Variants in TDRP observed in about 807,000 individuals in gnomAD.
TDRP encodes testis development related protein.
A neutral mutation model predicts 10.5 loss-of-function variants in TDRP; 12 were observed. The observed-to-expected ratio is 1.15, with a 90% CI of 0.73 to 1.86. The LOEUF (loss-of-function observed/expected upper bound fraction) is 1.86, where lower values mean the gene tolerates loss of function less well. TDRP is among the 40% of genes most tolerant of loss of function. The probability of loss-of-function intolerance (pLI) is 0.00; values close to 1 mark genes in which losing one functional copy is unlikely to be tolerated. For missense variants in TDRP, 353 were observed against 229.2 expected, an observed-to-expected ratio of 1.54 and a Z score of -3.49; for synonymous variants, 139 against 95.4, an observed-to-expected ratio of 1.46 and a Z score of -2.67.
At chr8:509,287 G>T (rs1412481772) in intron 1 of TDRP, among the ~76,000 whole-genome samples, 1 of 152,162 alleles carries the variant, frequency 6.6e-6, no homozygotes, top group Non-Finnish European at 1.5e-5. Flanking sequence ...GACTCTCTGT[G>T]GGGGCTCCAA....
chr8:492,161 A>T lies in TDRP; in HGVS notation c.*238T>A. The T allele has an allele frequency of 6.4e-6, 8 of 1,254,936 alleles. No homozygotes were observed. The highest frequency in any genetic ancestry group is 8.0e-6 in the Non-Finnish European group (8 of 1,002,290). 77.7% of individuals were successfully genotyped at this position (1,254,936 alleles called of 1,614,324 possible). On this transcript the variant is annotated 3_prime_UTR_variant, in exon 3 of 3. Transcript: ENST00000324079. Reference sequence around the variant, plus strand: ...TTCACATCTCCAGTTTCTGCAAAACATGGACTGATAGGTGAATATTTCTGC... The same window carrying T: ...TTCACATCTCCAGTTTCTGCAAAACTTGGACTGATAGGTGAATATTTCTGC...
At chr8:531,248 T>C (rs1425779744) in intron 1 of TDRP, among the ~76,000 whole-genome samples, 1 of 152,124 alleles carries the variant, frequency 6.6e-6, no homozygotes, top group Non-Finnish European at 1.5e-5. Context: ...TCTAAACTGG[T>C]TTCTGTAATT....
intron 1 of TDRP, among the ~76,000 whole-genome samples, chr8:502,307 C>T (rs969165272): frequency 6.6e-6 from 1 of 152,336 alleles, no homozygotes; most frequent in East Asian, 1.9e-4. Flanking sequence ...GTCCTGACAT[C>T]CAAGTCAAAC....
chr8:515,379 T>G (rs1801730504), intron 1 of TDRP, among the ~76,000 whole-genome samples: 3 of 152,346 alleles, frequency 2.0e-5, no homozygotes, highest in African/African-American at 7.2e-5. Flanking sequence ...AAGTACAGTT[T>G]GAGTGCCCCT....
intron 1 of TDRP, among the ~76,000 whole-genome samples, chr8:519,380 T>A (rs537693803): frequency 7.9e-5 from 12 of 151,672 alleles, no homozygotes; most frequent in Admixed American, 2.6e-4. Flanking sequence ...TGACAGAGAG[T>A]CATGGGAAAC....
intron 1 of TDRP, among the ~76,000 whole-genome samples, chr8:521,553 G>A (rs1443245831): frequency 2.0e-5 from 3 of 152,170 alleles, no homozygotes; most frequent in Non-Finnish European, 4.4e-5. Flanking sequence ...CCATATACAT[G>A]AGGGCTTATT....
Position 544,796 on chromosome 8 carries a change from G to C in TDRP, c.-39C>G. 1 of 1,216,914 alleles carries C rather than the reference G, an allele frequency of 8.2e-7. No individual in the cohort carries two copies. The highest frequency in any genetic ancestry group is 1.0e-6 in the Non-Finnish European group (1 of 974,222). The allele number at this position is 1,216,914 out of a possible 1,614,324, so 75.4% of individuals were successfully genotyped here. On this transcript the variant is annotated 5_prime_UTR_variant, in exon 1 of 3. Transcript: ENST00000324079. ...CCGGCGTCCCTCCGTCCGTGCGTCG[G>C]GCTGTGGCTCCGCGTCCCTCCCGGC... is the stretch of plus-strand genomic sequence containing the variant.
intron 1 of TDRP, among the ~76,000 whole-genome samples, chr8:529,049 G>C (rs1057096771): frequency 6.6e-6 from 1 of 152,132 alleles, no homozygotes; most frequent in Non-Finnish European, 1.5e-5. Flanking sequence ...GGCCAGTCTA[G>C]CCTTTTCATG....
At chr8:500,290 G>A (rs939248596) in intron 1 of TDRP, among the ~76,000 whole-genome samples, 1 of 152,162 alleles carries the variant, frequency 6.6e-6, no homozygotes, top group African/African-American at 2.4e-5. Flanking sequence ...AATTATTCCT[G>A]TTAGGTTAAA....
chr8:537,503 T>C (rs1802377161), intron 1 of TDRP, among the ~76,000 whole-genome samples: 1 of 152,142 alleles, frequency 6.6e-6, no homozygotes, highest in East Asian at 1.9e-4. Flanking sequence ...CAGAGAAAAA[T>C]ATTAAGGGCT....
intron 1 of TDRP, among the ~76,000 whole-genome samples, chr8:524,738 G>C (rs530969168): frequency 6.6e-6 from 1 of 152,178 alleles, no homozygotes; most frequent in Non-Finnish European, 1.5e-5. Context: ...CTTGAAGACA[G>C]GCTATTGAAA....
Position 491,593 on chromosome 8 carries a change from T to G in TDRP, c.*806A>C, listed in dbSNP as rs1228422874. On this transcript the variant is annotated 3_prime_UTR_variant, in exon 3 of 3. Transcript: ENST00000324079. ...CACTTCAGTATTTTATGCACAGTCT[T>G]AACTCTCTATAATGAGCAAGACAAT... 2 of 1,525,870 alleles carry G rather than the reference T, an allele frequency of 1.3e-6. No individual in the cohort carries two copies. Among genetic ancestry groups the G allele is most frequent in the South Asian group, 1.2e-5 (1 of 81,164 alleles). The allele number at this position is 1,525,870 out of a possible 1,614,324, so 94.5% of individuals were successfully genotyped here. A position where few individuals can be genotyped will look rare whatever the true frequency, so the allele number is the denominator to read the frequency against.
intron 1 of TDRP, among the ~76,000 whole-genome samples, chr8:505,729 C>G (rs1458644473): frequency 1.3e-5 from 2 of 152,190 alleles, no homozygotes; most frequent in East Asian, 1.9e-4. Context: ...TCTCACAGCC[C>G]AGGCTTGTGT....
chr8:507,938 A>G (rs755117156), intron 1 of TDRP, among the ~76,000 whole-genome samples: 1 of 152,222 alleles, frequency 6.6e-6, no homozygotes. Flanking sequence ...TAAAATATAT[A>G]AAGTGTCCTG....
intron 1 of TDRP, among the ~76,000 whole-genome samples, chr8:506,954 C>A (rs1033529531): frequency 9.2e-5 from 14 of 152,188 alleles, no homozygotes; most frequent in African/African-American, 2.6e-4. Flanking sequence ...AAGAATAATA[C>A]CTGGGACTGG....
At chr8:538,640 T>C (rs532922042) in intron 1 of TDRP, among the ~76,000 whole-genome samples, 8 of 152,184 alleles carry the variant, frequency 5.3e-5, no homozygotes, top group Non-Finnish European at 8.8e-5. Flanking sequence ...AAATCTAAAC[T>C]ACCCAACTGT....
intron 1 of TDRP, among the ~76,000 whole-genome samples, chr8:515,631 C>A (rs570408123): frequency 3.8e-4 from 58 of 152,304 alleles, no homozygotes; most frequent in African/African-American, 1.2e-3. Context: ...CTAGTTGGCA[C>A]AACCCACTGA....
chr8:492,028 A>C lies in TDRP; in HGVS notation c.*371T>G. On this transcript the variant is annotated 3_prime_UTR_variant, in exon 3 of 3. Coordinates refer to ENST00000324079, the MANE Select transcript of TDRP (RefSeq NM_001384899.1). ...TGCATTTATACGTGCTACATACAAG[A>C]AAAAGGTACGGAAGTTCTGAAACAG... 9.0e-7 allele frequency: 1 copy of C among 1,114,868 alleles called. No individual in the cohort carries two copies. Among genetic ancestry groups the C allele is most frequent in the Non-Finnish European group, 1.1e-6 (1 of 914,830 alleles). The allele number at this position is 1,114,868 out of a possible 1,614,324, so 69.1% of individuals were successfully genotyped here.
Position 491,428 on chromosome 8 carries a change from G to C in TDRP, c.*971C>G, listed in dbSNP as rs746940221. The C allele has an allele frequency of 3.8e-6, 2 of 526,690 alleles. No individual in the cohort carries two copies. Among genetic ancestry groups the C allele is most frequent in the African/African-American group, 2.0e-5 (1 of 50,912 alleles). The allele number at this position is 526,690 out of a possible 1,614,324, so 32.6% of individuals were successfully genotyped here. ...CATTGTCAAGGACAGTAAGCAGACA[G>C]AAAAAGAACGCGAGAGATGCTCTCA... On this transcript the variant is annotated 3_prime_UTR_variant, in exon 3 of 3. Transcript: ENST00000324079.
Sources: gnomAD v4.1 joint callset for allele counts (sites outside exome capture counted in the v4.1 genomes callset) on GRCh38, gnomAD v4.1.1 for gene constraint, MANE v1.5 for transcripts, NCBI Gene and HGNC (gene_info 2026-07-23, HGNC 2026-07-21) for gene names.